The following CCSER1 variants were observed in gnomAD, a reference collection of about 807,000 sequenced individuals.
CCSER1 encodes coiled-coil serine rich protein 1.
In CCSER1, 41 loss-of-function variants were observed where a neutral mutation model predicts 82.0. The ratio of observed to expected loss-of-function variants is 0.50; its 90% confidence interval spans 0.39 to 0.65. The LOEUF is 0.65. CCSER1 is among the 30% of genes least tolerant of loss of function. The probability of loss-of-function intolerance (pLI) is 0.00; values close to 1 mark genes in which losing one functional copy is unlikely to be tolerated. For synonymous variants in CCSER1, 414 were observed against 383.9 expected, an observed-to-expected ratio of 1.08 and a Z score of -0.92; for missense variants, 1,119 against 1,064.2, an observed-to-expected ratio of 1.05 and a Z score of -0.72.
chr4:91,537,642 A>C (rs1761361474), intron 10 of CCSER1, among the ~76,000 whole-genome samples: 1 of 152,012 alleles, frequency 6.6e-6, no homozygotes, highest in Admixed American at 6.6e-5. Flanking sequence ...ATAACACATC[A>C]GAATTTTGTA....
At chr4:90,904,249 A>G (rs1725109826) in intron 8 of CCSER1, among the ~76,000 whole-genome samples, 1 of 152,118 alleles carries the variant, frequency 6.6e-6, no homozygotes, top group Admixed American at 6.6e-5. Context: ...GCCAGTGCCA[A>G]TACCAACTGT....
At chr4:90,416,749 A>G (rs1164747673) in intron 4 of CCSER1, among the ~76,000 whole-genome samples, 2 of 152,192 alleles carry the variant, frequency 1.3e-5, no homozygotes, top group African/African-American at 4.8e-5. Flanking sequence ...GTTATTATCT[A>G]AATTTTATGT....
intron 8 of CCSER1, among the ~76,000 whole-genome samples, chr4:90,922,442 C>T (rs894091194): frequency 1.3e-5 from 2 of 151,898 alleles, no homozygotes; most frequent in Non-Finnish European, 2.9e-5. Context: ...AGTCCTTTAT[C>T]GTTTGGGTAT....
At chr4:90,791,589 A>G (rs558554090) in intron 7 of CCSER1, among the ~76,000 whole-genome samples, 194 of 152,276 alleles carry the variant, frequency 1.3e-3, no homozygotes, top group South Asian at 0.01. Context: ...AGTGGCTCAT[A>G]CCTGTAATCC....
At chr4:90,412,326 GA>G (rs1330614023) in intron 4 of CCSER1, among the ~76,000 whole-genome samples, 2 of 101,944 alleles carry the variant, frequency 2.0e-5, no homozygotes, top group Admixed American at 1.4e-4. Flanking sequence ...GGGGTGGGGG[GA>G]GGGGGGAGGG....
chr4:91,100,302 T>A (rs1724929759), intron 10 of CCSER1, among the ~76,000 whole-genome samples: 1 of 152,120 alleles, frequency 6.6e-6, no homozygotes, highest in Non-Finnish European at 1.5e-5. Context: ...AGAAAATGAG[T>A]TAATATGCAT....
In CCSER1 at chr4:91,342,193, C is replaced by T. The variant is rs1196775684; in HGVS notation, c.2217+256199C>T. 2.0e-5 allele frequency among the ~76,000 whole-genome samples: 3 copies of T among 152,000 alleles called. No individual in the cohort carries two copies. In the East Asian group the frequency reaches 5.8e-4, roughly 29 times the overall value. Reference sequence around the variant, plus strand: ...TATAAGATTGTTAAAATTATCATACCCATTTCTAGATGAAGAAGGCCAAAA... The same window carrying T: ...TATAAGATTGTTAAAATTATCATACTCATTTCTAGATGAAGAAGGCCAAAA... On this transcript the variant is annotated intron_variant, in intron 10 of 10. Transcript: ENST00000509176.
intron 4 of CCSER1, among the ~76,000 whole-genome samples, chr4:90,424,414 A>G (rs954553624): frequency 2.0e-5 from 3 of 152,166 alleles, no homozygotes; most frequent in Non-Finnish European, 4.4e-5. Flanking sequence ...TTTATTTTCA[A>G]AGGTAAAATA....
At chr4:90,478,700 A>T (rs574287203) in intron 5 of CCSER1, among the ~76,000 whole-genome samples, 2 of 151,820 alleles carry the variant, frequency 1.3e-5, no homozygotes, top group Admixed American at 6.6e-5. Flanking sequence ...ATGACAATTT[A>T]AAAAAAGAAT....
chr4:90,763,264 G>A (rs539187574), intron 7 of CCSER1, among the ~76,000 whole-genome samples: 2 of 152,070 alleles, frequency 1.3e-5, no homozygotes, highest in East Asian at 3.9e-4. Context: ...AATCATGGAG[G>A]ACTCATGGGT....
rs1479047442 is a variant in CCSER1 at position 90,590,125 on chromosome 4, T to C, written c.1725-37900T>C. On this transcript the variant is annotated intron_variant, in intron 5 of 10. Coordinates refer to ENST00000509176, the MANE Select transcript of CCSER1 (RefSeq NM_001145065.2). ...CCTGTCTCTACCAAAATTATAAAAA[T>C]TAGCCAGGCATGGTGGCACATGCCT... 2.0e-5 allele frequency among the ~76,000 whole-genome samples: 3 copies of C among 152,074 alleles called. No homozygotes were observed. The East Asian group carries it at 5.8e-4, about 30-fold the overall frequency.
chr4:91,410,902 G>T (rs1272941566), intron 10 of CCSER1, among the ~76,000 whole-genome samples: 1 of 151,928 alleles, frequency 6.6e-6, no homozygotes. Context: ...GGAAAATACA[G>T]CACATTCAGA....
chr4:90,601,285 G>A (rs1252341342), intron 5 of CCSER1, among the ~76,000 whole-genome samples: 1 of 151,812 alleles, frequency 6.6e-6, no homozygotes, highest in Non-Finnish European at 1.5e-5. Context: ...TGTTAGCTCT[G>A]TGTATGTATG....
At chr4:91,166,060 T>C (rs1732030002) in intron 10 of CCSER1, among the ~76,000 whole-genome samples, 1 of 152,232 alleles carries the variant, frequency 6.6e-6, no homozygotes. Context: ...TTGGCCATCT[T>C]GAAATGGAAT....
Position 91,412,635 on chromosome 4 carries a change from CA to C in CCSER1, c.2218-185936del. ...ACCATAGACTCTGCGGCAGATTCAA[CA>C]GTAGGCACATGTCCTGGCTCAAACC... On this transcript the variant is annotated intron_variant, in intron 10 of 10. Coordinates refer to ENST00000509176, the MANE Select transcript of CCSER1 (RefSeq NM_001145065.2). Among the ~76,000 whole-genome samples the C allele has an allele frequency of 3.9e-5, 6 of 152,156 alleles. 1 individual carries two copies. The Middle Eastern group carries it at 0.02, about 518-fold the overall frequency.
intron 2 of CCSER1, 118 bp downstream of exon 2, chr4:90,309,726 A>C: frequency 1.3e-6 from 1 of 742,220 alleles, no homozygotes. Flanking sequence ...TCACTTTCGA[A>C]ATGGTTTCCT....
chr4:91,093,838 C>A (rs1724224769), intron 10 of CCSER1, among the ~76,000 whole-genome samples: 1 of 152,226 alleles, frequency 6.6e-6, no homozygotes, highest in African/African-American at 2.4e-5. Flanking sequence ...AGTTGCCCCC[C>A]TTTGTAACCC....
chr4:90,183,337 C>T (rs1734033930), intron 1 of CCSER1, among the ~76,000 whole-genome samples: 1 of 151,972 alleles, frequency 6.6e-6, no homozygotes, highest in Non-Finnish European at 1.5e-5. Flanking sequence ...ATAACTAATT[C>T]CTTACTACCA....
chr4:91,009,346 T>G (rs1278736482), intron 9 of CCSER1, among the ~76,000 whole-genome samples: 1 of 152,214 alleles, frequency 6.6e-6, no homozygotes, highest in African/African-American at 2.4e-5. Flanking sequence ...CAATAGATGA[T>G]TGGCTATTTC....
Sources: allele counts gnomAD v4.1 joint callset (sites outside exome capture counted in the v4.1 genomes callset), GRCh38; gene constraint gnomAD v4.1.1; transcripts MANE v1.5; gene names NCBI Gene and HGNC (gene_info 2026-07-23, HGNC 2026-07-21).